The following RAB21 variants were observed in gnomAD, a reference collection of about 807,000 sequenced individuals.
RAB21 encodes ras-related protein Rab-21.
A neutral mutation model predicts 33.1 loss-of-function variants in RAB21; 13 were observed. The ratio of observed to expected loss-of-function variants is 0.39; its 90% CI spans 0.26 to 0.62. The LOEUF (loss-of-function observed/expected upper bound fraction) is 0.62. RAB21 is among the 20% of genes least tolerant of loss of function. The pLI is 0.48. For missense variants in RAB21, 234 were observed against 279.1 expected, an observed-to-expected ratio of 0.84 and a Z score of 1.15; for synonymous variants, 91 against 103.7, an observed-to-expected ratio of 0.88 and a Z score of 0.74.
chr12:71,770,768 T>G, intron 3 of RAB21, 69 bp downstream of exon 3: 1 of 977,784 alleles, frequency 1.0e-6, no homozygotes, highest in South Asian at 1.5e-5. Flanking sequence ...TAATATACCT[T>G]TATTCACTAA....
At chr12:71,778,331 T>G (rs576689364) in intron 4 of RAB21, among the ~76,000 whole-genome samples, 2 of 152,236 alleles carry the variant, frequency 1.3e-5, no homozygotes, top group Non-Finnish European at 2.9e-5. Flanking sequence ...AAATATTTAT[T>G]ATTAATCGTA....
chr12:71,763,366 A>T (rs1882908461), intron 1 of RAB21, among the ~76,000 whole-genome samples: 1 of 152,186 alleles, frequency 6.6e-6, no homozygotes, highest in Non-Finnish European at 1.5e-5. Context: ...AAAATTGATT[A>T]AACAAGTTAT....
At chr12:71,758,682 G>C (rs1882826037) in intron 1 of RAB21, among the ~76,000 whole-genome samples, 1 of 150,872 alleles carries the variant, frequency 6.6e-6, no homozygotes, top group Non-Finnish European at 1.5e-5. Context: ...GTTTTGCTAT[G>C]TTGCCCAGGC....
intron 1 of RAB21, among the ~76,000 whole-genome samples, chr12:71,764,567 A>G (rs557580388): frequency 3.9e-5 from 6 of 152,266 alleles, no homozygotes; most frequent in African/African-American, 1.4e-4. Context: ...TGAGCAGTGT[A>G]CACCATATTC....
chr12:71,783,505 C>T (rs1478900083), intron 6 of RAB21, among the ~76,000 whole-genome samples: 2 of 151,646 alleles, frequency 1.3e-5, no homozygotes, highest in African/African-American at 2.4e-5. Context: ...TTATAAAACC[C>T]TCAAGTCATT....
In RAB21 at chr12:71,794,205, G is replaced by C. The variant is rs971970977; in HGVS notation, c.*8532G>C. ...CCACTGCACTCCAGCCTGGACGACA[G>C]AGTGAGGCCCTGTCTCAAAAAAAGA... On this transcript the variant is annotated 3_prime_UTR_variant, in exon 7 of 7. Coordinates refer to ENST00000261263, the MANE Select transcript of RAB21 (RefSeq NM_014999.4). 9.3e-5 allele frequency: 14 copies of C among 150,278 alleles called. No individual in the cohort carries two copies. Among genetic ancestry groups the C allele is most frequent in the African/African-American group, 3.5e-4 (14 of 40,452 alleles). 9.3% of individuals were successfully genotyped at this position (150,278 alleles called of 1,614,324 possible).
intron 3 of RAB21, among the ~76,000 whole-genome samples, chr12:71,773,601 C>T (rs1263527105): frequency 6.6e-6 from 1 of 152,044 alleles, no homozygotes; most frequent in Non-Finnish European, 1.5e-5. Flanking sequence ...GTTTTAAACC[C>T]ATATGTTCCT....
At chr12:71,758,290 C>T (rs376374055) in intron 1 of RAB21, among the ~76,000 whole-genome samples, 3 of 152,184 alleles carry the variant, frequency 2.0e-5, no homozygotes, top group African/African-American at 7.2e-5. Flanking sequence ...GCCTCGGCCT[C>T]CCAAAGTGCT....
In RAB21 at chr12:71,799,006, T is replaced by C. The variant is rs897401777; in HGVS notation, c.*13333T>C. ...GAGGCCAAGTTTTGAAGTTCTTGAA[T>C]GTTACGAGGTAGTGAAAAACGTTTC... On this transcript the variant is annotated 3_prime_UTR_variant, in exon 7 of 7. Transcript: ENST00000261263. The C allele has an allele frequency of 4.6e-5, 7 of 152,264 alleles. No individual in the cohort carries two copies. The highest frequency in any genetic ancestry group is 8.8e-5 in the Non-Finnish European group (6 of 68,046). The allele number at this position is 152,264 out of a possible 1,614,324, so 9.4% of individuals were successfully genotyped here. A position where few individuals can be genotyped will look rare whatever the true frequency, so the allele number is the denominator to read the frequency against.
At chr12:71,757,851 A>G (rs1882808077) in intron 1 of RAB21, among the ~76,000 whole-genome samples, 1 of 152,160 alleles carries the variant, frequency 6.6e-6, no homozygotes, top group African/African-American at 2.4e-5. Flanking sequence ...ATACATTTCA[A>G]AGAATTGCAG....
intron 1 of RAB21, among the ~76,000 whole-genome samples, chr12:71,768,684 A>G (rs1882996411): frequency 6.6e-6 from 1 of 152,110 alleles, no homozygotes; most frequent in Non-Finnish European, 1.5e-5. Flanking sequence ...GAAACCATTC[A>G]GTGATTCTCC....
In RAB21 at chr12:71,786,639, A is replaced by G. The variant is rs1883298082; in HGVS notation, c.*966A>G. ...ATTGATGACTGTAAAGTGAATTAAC[A>G]TTTGGTGATTATGCCTAGCTTTTTT... On this transcript the variant is annotated 3_prime_UTR_variant, in exon 7 of 7. Coordinates refer to ENST00000261263, the MANE Select transcript of RAB21 (RefSeq NM_014999.4). The G allele has an allele frequency of 6.6e-6, 1 of 152,650 alleles. No individual in the cohort carries two copies. The highest frequency in any genetic ancestry group is 2.4e-5 in the African/African-American group (1 of 41,472). The allele number at this position is 152,650 out of a possible 1,614,324, so 9.5% of individuals were successfully genotyped here.
At chr12:71,760,189 A>G (rs1344901797) in intron 1 of RAB21, among the ~76,000 whole-genome samples, 1 of 152,234 alleles carries the variant, frequency 6.6e-6, no homozygotes, top group African/African-American at 2.4e-5. Context: ...TATTTTTAAA[A>G]CAAAGCAAAT....
At chr12:71,773,237 C>T (rs1399597725) in intron 3 of RAB21, among the ~76,000 whole-genome samples, 2 of 152,204 alleles carry the variant, frequency 1.3e-5, no homozygotes. Context: ...ACTGGAGAAT[C>T]AGTTCATAAC....
In RAB21 at chr12:71,782,882, T is replaced by C. The variant is rs138768244; in HGVS notation, c.535+224T>C. On this transcript the variant is annotated intron_variant, in intron 6 of 6. Coordinates refer to ENST00000261263, the MANE Select transcript of RAB21 (RefSeq NM_014999.4). ...ATTAATGGTTATGAAATCATAAGTA[T>C]GGTGTGGGCTAAATATATATTATAA... Among the ~76,000 whole-genome samples, 53 of 152,134 alleles carry C rather than the reference T, an allele frequency of 3.5e-4. 2 individuals are homozygous for C. The East Asian group carries it at 9.7e-3, about 28-fold the overall frequency.
intron 1 of RAB21, among the ~76,000 whole-genome samples, chr12:71,768,731 T>G (rs989397075): frequency 6.6e-6 from 1 of 152,158 alleles, no homozygotes; most frequent in East Asian, 1.9e-4. Flanking sequence ...CAGTTGTTCT[T>G]TAGGATGAAT....
rs116698430 is a variant in RAB21, at chr12:71,757,805, A to C, written c.159+2517A>C. Among the ~76,000 whole-genome samples the C allele has an allele frequency of 5.4e-3, 822 of 152,324 alleles. 9 individuals are homozygous for C. Among genetic ancestry groups the C allele is most frequent in the African/African-American group, 0.019 (782 of 41,566 alleles). On this transcript the variant is annotated intron_variant, in intron 1 of 6. Coordinates refer to ENST00000261263, the MANE Select transcript of RAB21 (RefSeq NM_014999.4). ...TTTCTCGTCAACAGAGTACCTGTCT[A>C]TGTAAACTACTTTGTATTTTATAAA...
Position 71,782,138 on chromosome 12 carries a change from C to G in RAB21, c.446+53C>G, listed in dbSNP as rs1592650012. Reference sequence around the variant, plus strand: ...ATCACTCCCTAGTAGAAATCTTCCTCTTTATACGTTTTGCTTTACCATTTA... The same window carrying G: ...ATCACTCCCTAGTAGAAATCTTCCTGTTTATACGTTTTGCTTTACCATTTA... On this transcript the variant is annotated intron_variant, in intron 5 of 6. Coordinates refer to ENST00000261263, the MANE Select transcript of RAB21 (RefSeq NM_014999.4). The G allele has an allele frequency of 1.9e-5, 28 of 1,493,736 alleles. No homozygotes were observed. The Middle Eastern group carries it at 5.2e-4, about 28-fold the overall frequency. The allele number at this position is 1,493,736 out of a possible 1,614,324, so 92.5% of individuals were successfully genotyped here.
intron 4 of RAB21, among the ~76,000 whole-genome samples, chr12:71,777,968 A>G (rs1883145804): frequency 6.6e-6 from 1 of 152,218 alleles, no homozygotes; most frequent in Admixed American, 6.5e-5. Context: ...GGTTATAGTT[A>G]TCTAAAATCT....
Sources: gnomAD v4.1 joint callset for allele counts (sites outside exome capture counted in the v4.1 genomes callset) on GRCh38, gnomAD v4.1.1 for gene constraint, MANE v1.5 for transcripts, NCBI Gene and HGNC (gene_info 2026-07-23, HGNC 2026-07-21) for gene names.